PALB2: variants seen among roughly 807,000 people sequenced by gnomAD.
The protein encoded by PALB2 is mutant partner and localizer of BRCA2.
A neutral mutation model predicts 107.4 loss-of-function variants in PALB2; 82 were observed. That is an observed-to-expected ratio of 0.76 (90% confidence interval 0.64 to 0.92). PALB2 has a LOEUF of 0.92. Among genes scored for constraint, PALB2 ranks in the 40% least tolerant of loss-of-function variants. PALB2 has a pLI of 0.00. For missense variants in PALB2, 1,374 were observed against 1,379.9 expected (o/e 1.00, Z 0.07); for synonymous variants, 489 against 496.8 (o/e 0.98, Z 0.21).
intron 3 of PALB2, among the ~76,000 whole-genome samples, chr16:23,636,725 T>C (rs1395202439): frequency 1.3e-5 from 2 of 152,228 alleles, no homozygotes; most frequent in Admixed American, 1.3e-4. Flanking sequence ...CAGAGTATTC[T>C]TTATCACACA....
At chr16:23,609,675 GC>G (rs1156697401) in intron 11 of PALB2, among the ~76,000 whole-genome samples, 2 of 152,036 alleles carry the variant, frequency 1.3e-5, no homozygotes, top group South Asian at 2.1e-4. Flanking sequence ...CCGCCACCAC[GC>G]CCGGCTAATT....
intron 10 of PALB2, among the ~76,000 whole-genome samples, chr16:23,616,764 T>G (rs1404662145): frequency 6.6e-6 from 1 of 152,206 alleles, no homozygotes; most frequent in East Asian, 1.9e-4. Context: ...TGTTTAAGAA[T>G]GTTTTAACGT....
chr16:23,614,811 C>T (rs1352083895), intron 10 of PALB2, among the ~76,000 whole-genome samples: 3 of 150,900 alleles, frequency 2.0e-5, no homozygotes, highest in East Asian at 1.9e-4. Context: ...CCACTACGCC[C>T]GGCTAATTTT....
At chr16:23,629,302 G>A (rs755267110) in intron 5 of PALB2, 27 bp from the exon 6 acceptor site, 1 of 1,585,404 alleles carries the variant, frequency 6.3e-7, no homozygotes, top group East Asian at 2.2e-5. Flanking sequence ...CACATCATTA[G>A]TCTACACTTT....
chr16:23,626,006 A>T (rs1213299913), intron 7 of PALB2, among the ~76,000 whole-genome samples: 1 of 152,094 alleles, frequency 6.6e-6, no homozygotes, highest in Non-Finnish European at 1.5e-5. Flanking sequence ...AATTTGTGAT[A>T]AAGCGAACAA....
At chr16:23,618,936 A>T (rs1261001730) in intron 10 of PALB2, among the ~76,000 whole-genome samples, 1 of 152,228 alleles carries the variant, frequency 6.6e-6, no homozygotes, top group Non-Finnish European at 1.5e-5. Context: ...CTGGCAGATC[A>T]GAACATAGTC....
Position 23,638,139 on chromosome 16 carries a change from G to T in PALB2, c.49-10C>A. The T allele has an allele frequency of 6.2e-7, 1 of 1,611,704 alleles. No individual in the cohort carries two copies. Among genetic ancestry groups the T allele is most frequent in the Non-Finnish European group, 8.5e-7 (1 of 1,177,824 alleles). On this transcript the variant is annotated splice_polypyrimidine_tract_variant and intron_variant, in intron 1 of 12. Coordinates refer to ENST00000261584, the MANE Select transcript of PALB2 (RefSeq NM_024675.4). ...CTAATTTCTCCTTTAACTGGAAGAAGAAAAACACCAACAATACTGGGCAAG... is the reference window on the plus strand; with the variant it reads ...CTAATTTCTCCTTTAACTGGAAGAATAAAAACACCAACAATACTGGGCAAG...
At chr16:23,630,893 T>C (rs1490450017) in intron 4 of PALB2, among the ~76,000 whole-genome samples, 1 of 151,914 alleles carries the variant, frequency 6.6e-6, no homozygotes, top group African/African-American at 2.4e-5. Context: ...GAGAATTGCT[T>C]GAGCCCAGGA....
chr16:23,623,762 A>G, intron 8 of PALB2: 1 of 463,648 alleles, frequency 2.2e-6, no homozygotes, highest in East Asian at 4.2e-5. Context: ...CAGTTGATCC[A>G]CCTTCCTTGG....
intron 4 of PALB2, among the ~76,000 whole-genome samples, chr16:23,631,660 GATTT>G (rs1966879067): frequency 1.3e-5 from 2 of 152,086 alleles, no homozygotes; most frequent in African/African-American, 4.8e-5. Flanking sequence ...TAGGCAAATC[GATTT>G]ATTTCATTTT....
intron 4 of PALB2, among the ~76,000 whole-genome samples, chr16:23,632,459 C>T (rs1455393673): frequency 6.6e-6 from 1 of 151,958 alleles, no homozygotes; most frequent in East Asian, 1.9e-4. Context: ...CAAACAAACC[C>T]ATTATGCTGA....
intron 3 of PALB2, among the ~76,000 whole-genome samples, chr16:23,636,634 A>G (rs1279826323): frequency 6.6e-6 from 1 of 152,132 alleles, no homozygotes; most frequent in Admixed American, 6.5e-5. Flanking sequence ...AAAAGTTCTG[A>G]TTTTTTAAAT....
chr16:23,611,114 A>G (rs571341916), intron 11 of PALB2, among the ~76,000 whole-genome samples: 10 of 146,760 alleles, frequency 6.8e-5, no homozygotes, highest in Non-Finnish European at 1.1e-4. Context: ...CTATCTATCT[A>G]TCTATCTATC....
intron 12 of PALB2, among the ~76,000 whole-genome samples, chr16:23,604,265 C>G (rs1017950462): frequency 1.3e-5 from 2 of 152,176 alleles, no homozygotes; most frequent in Non-Finnish European, 2.9e-5. Flanking sequence ...TTCATTTAGA[C>G]AAGGGCTCTG....
At chr16:23,640,598 A>G (rs185512167) in intron 1 of PALB2, 14 of 233,296 alleles carry the variant, frequency 6.0e-5, no homozygotes, top group Middle Eastern at 1.3e-3. Context: ...AAAGAAAGCA[A>G]GGTAGATAAA....
Position 23,638,473 on chromosome 16 carries a change from A to C in PALB2, c.49-344T>G, listed in dbSNP as rs1967121549. 1.3e-5 allele frequency: 6 copies of C among 466,822 alleles called. No individual in the cohort carries two copies. Among genetic ancestry groups the C allele is most frequent in the Non-Finnish European group, 2.5e-5 (6 of 240,114 alleles). 28.9% of individuals were successfully genotyped at this position (466,822 alleles called of 1,614,324 possible). A position where few individuals can be genotyped will look rare whatever the true frequency, so the allele number is the denominator to read the frequency against. Reference sequence around the variant, plus strand: ...ACTTTCCTTACCACAGTATTCTCACACTATGTTCTCTGTTTCTCCCCATCA... The same window carrying C: ...ACTTTCCTTACCACAGTATTCTCACCCTATGTTCTCTGTTTCTCCCCATCA... On this transcript the variant is annotated intron_variant, in intron 1 of 12. Transcript: ENST00000261584.
intron 8 of PALB2, 132 bp from the exon 9 acceptor site, chr16:23,623,262 G>A (rs545488036): frequency 1.2e-6 from 1 of 818,706 alleles, no homozygotes; most frequent in African/African-American, 1.8e-5. Flanking sequence ...GGAGTGCAGT[G>A]GCACAATCTT....
rs1210285949 is a variant in PALB2, at chr16:23,624,068, C to T, written c.2775G>A (p.Val925=). ...AEVPVLQIVP[V]PDVYNLVCVA... is the part of the protein sequence containing the mutation. ...CACACACGAGATTATACACATCAGGCACTGGAACTATCTGTAATACTGGAA... is the reference window on the plus strand; with the variant it reads ...CACACACGAGATTATACACATCAGGTACTGGAACTATCTGTAATACTGGAA... Residue 925 remains valine, a synonymous_variant, in exon 8 of 13, where the codon GTG becomes GTA. Coordinates refer to ENST00000261584, the MANE Select transcript of PALB2 (RefSeq NM_024675.4). 6.2e-7 allele frequency: 1 copy of T among 1,607,928 alleles called. No homozygotes were observed. The highest frequency in any genetic ancestry group is 1.1e-5 in the South Asian group (1 of 90,952).
intron 12 of PALB2, among the ~76,000 whole-genome samples, chr16:23,604,250 C>T (rs923508504): frequency 6.6e-6 from 1 of 152,180 alleles, no homozygotes; most frequent in Non-Finnish European, 1.5e-5. Flanking sequence ...TACCTGGTTG[C>T]CTTTTTCATT....
Sources: allele counts gnomAD v4.1 joint callset (sites outside exome capture counted in the v4.1 genomes callset), GRCh38; gene constraint gnomAD v4.1.1; transcripts MANE v1.5; gene names NCBI Gene and HGNC (gene_info 2026-07-23, HGNC 2026-07-21).